The following SYN3 variants were observed in gnomAD, a reference collection of about 807,000 sequenced individuals.
The protein encoded by SYN3 is synapsin-3.
SYN3 carries 35 observed loss-of-function variants against 65.8 expected under a neutral mutation model. The ratio of observed to expected loss-of-function variants is 0.53; its 90% CI spans 0.41 to 0.70. The LOEUF (loss-of-function observed/expected upper bound fraction) is 0.70, where lower values mean the gene tolerates loss of function less well. Among genes scored for constraint, SYN3 ranks in the 30% least tolerant of loss-of-function variants. The probability of loss-of-function intolerance (pLI) is 0.00; values close to 1 mark genes in which losing one functional copy is unlikely to be tolerated. For synonymous variants in SYN3, 270 were observed against 292.9 expected (o/e 0.92, Z 0.80); for missense variants, 680 against 749.0 (o/e 0.91, Z 1.08).
chr22:32,749,396 C>G (rs962619152), intron 6 of SYN3, among the ~76,000 whole-genome samples: 1 of 150,154 alleles, frequency 6.7e-6, no homozygotes. Flanking sequence ...AATCCCAGCA[C>G]TTTGGGAGGC....
chr22:32,579,084 C>T (rs966589799), intron 7 of SYN3, among the ~76,000 whole-genome samples: 10 of 152,214 alleles, frequency 6.6e-5, no homozygotes, highest in African/African-American at 2.4e-4. Context: ...GGAGCTATGT[C>T]TTTTTCATCT....
At chr22:32,596,233 C>T (rs2059197556) in intron 7 of SYN3, among the ~76,000 whole-genome samples, 1 of 152,166 alleles carries the variant, frequency 6.6e-6, no homozygotes. Flanking sequence ...GGAGCCACAG[C>T]CATTAAACCT....
At chr22:32,709,254 A>G (rs1430184620) in intron 6 of SYN3, among the ~76,000 whole-genome samples, 1 of 152,236 alleles carries the variant, frequency 6.6e-6, no homozygotes, top group African/African-American at 2.4e-5. Context: ...CCAATGATTC[A>G]GGGTTGTTGT....
intron 7 of SYN3, among the ~76,000 whole-genome samples, chr22:32,548,600 C>G (rs1010099895): frequency 6.6e-6 from 1 of 151,786 alleles, no homozygotes; most frequent in Admixed American, 6.6e-5. Flanking sequence ...TCTCAATCTC[C>G]TGATCTTGTG....
At chr22:32,863,065 G>A (rs2048590224) in intron 6 of SYN3, 1 of 152,582 alleles carries the variant, frequency 6.6e-6, no homozygotes, top group Admixed American at 6.5e-5. Context: ...TTGCCTTGTT[G>A]TGTTCTGACG....
chr22:32,981,784 A>G (rs962737067), intron 2 of SYN3, among the ~76,000 whole-genome samples: 19 of 152,108 alleles, frequency 1.2e-4, no homozygotes, highest in Non-Finnish European at 2.8e-4. Flanking sequence ...TTATGTATCA[A>G]TTTTAAAAGA....
chr22:33,048,248 T>G (rs1210829992), intron 1 of SYN3, among the ~76,000 whole-genome samples: 1 of 152,098 alleles, frequency 6.6e-6, no homozygotes, highest in East Asian at 1.9e-4. Flanking sequence ...ATTATCTCAT[T>G]TAATTTTCAT....
At chr22:32,925,819 G>A (rs776122199) in intron 4 of SYN3, among the ~76,000 whole-genome samples, 1 of 150,956 alleles carries the variant, frequency 6.6e-6, no homozygotes, top group Non-Finnish European at 1.5e-5. Flanking sequence ...TAATTCCTAG[G>A]TGATTCTAAT....
intron 1 of SYN3, among the ~76,000 whole-genome samples, chr22:33,020,240 A>C (rs2053538409): frequency 6.6e-6 from 1 of 152,216 alleles, no homozygotes; most frequent in African/African-American, 2.4e-5. Flanking sequence ...ACCCAATCCT[A>C]GGAAAATGGA....
chr22:32,572,255 T>TTCCTTCCTTCC (rs1246276846), intron 7 of SYN3, among the ~76,000 whole-genome samples: 12 of 87,574 alleles, frequency 1.4e-4, no homozygotes, highest in African/African-American at 5.1e-4. Context: ...CCTTCCTTCC[T>TTCCTTCCTTCC]TTCCTTCCTT....
At chr22:32,813,390 C>G (rs1227290317) in intron 6 of SYN3, among the ~76,000 whole-genome samples, 3 of 151,904 alleles carry the variant, frequency 2.0e-5, no homozygotes, top group Non-Finnish European at 4.4e-5. Context: ...CTGTCCAGCT[C>G]CAGCCTATCA....
chr22:32,734,043 C>T (rs1168834129), intron 6 of SYN3, among the ~76,000 whole-genome samples: 1 of 152,142 alleles, frequency 6.6e-6, no homozygotes, highest in Non-Finnish European at 1.5e-5. Context: ...CAGAACTAAA[C>T]AGACTGTCTA....
At chr22:32,787,817 G>A (rs1349028921) in intron 6 of SYN3, among the ~76,000 whole-genome samples, 3 of 152,148 alleles carry the variant, frequency 2.0e-5, no homozygotes, top group Admixed American at 6.5e-5. Flanking sequence ...ACACCTCCCC[G>A]AGAAGGTAAT....
chr22:32,687,194 C>T (rs1032500122), intron 6 of SYN3, among the ~76,000 whole-genome samples: 12 of 10,472 alleles, frequency 1.1e-3, no homozygotes, highest in Admixed American at 3.0e-3. Flanking sequence ...ACGGAATTCT[C>T]GCTCTGCCGC....
intron 6 of SYN3, among the ~76,000 whole-genome samples, chr22:32,674,030 C>T (rs2740994): frequency 0.089 from 13,470 of 151,946 alleles, 614 homozygotes; most frequent in African/African-American, 0.11. Flanking sequence ...GTTGCTGAAA[C>T]CCAGGCAAGA....
intron 1 of SYN3, among the ~76,000 whole-genome samples, chr22:33,009,813 AAATAT>A (rs2053305300): frequency 1.3e-5 from 1 of 74,144 alleles, no homozygotes; most frequent in Admixed American, 1.2e-4. Flanking sequence ...CATATAATAT[AAATAT>A]AATATATATA....
rs2057673438 is a variant in SYN3, at chr22:32,509,929, A to G, written c.*3763T>C. Among the ~76,000 whole-genome samples, 1 of 152,164 alleles carries G rather than the reference A, an allele frequency of 6.6e-6. No individual in the cohort carries two copies. Among genetic ancestry groups the G allele is most frequent in the Non-Finnish European group, 1.5e-5 (1 of 68,036 alleles). On this transcript the variant is annotated 3_prime_UTR_variant, in exon 14 of 14. Coordinates refer to ENST00000358763, the MANE Select transcript of SYN3 (RefSeq NM_003490.4). ...CTAGTGTTATGTCATGGATCTGGAT[A>G]TATGAGTATGGTTATAAAAATCAGG...
chr22:32,862,906 T>G (rs1280365299), intron 6 of SYN3: 2 of 152,660 alleles, frequency 1.3e-5, no homozygotes, highest in Admixed American at 1.3e-4. Flanking sequence ...TTCGTAGCAC[T>G]GTTTACAGTT....
chr22:32,583,083 C>T (rs2058972999), intron 7 of SYN3, among the ~76,000 whole-genome samples: 1 of 152,164 alleles, frequency 6.6e-6, no homozygotes, highest in African/African-American at 2.4e-5. Context: ...AGCAAGAGAT[C>T]AGGGTCTGCC....
Sources: gnomAD v4.1 joint callset for allele counts (sites outside exome capture counted in the v4.1 genomes callset) on GRCh38, gnomAD v4.1.1 for gene constraint, MANE v1.5 for transcripts, NCBI Gene and HGNC (gene_info 2026-07-23, HGNC 2026-07-21) for gene names.